Variants in PADI1 observed in about 807,000 individuals in gnomAD.
PADI1 encodes protein-arginine deiminase type-1.
A neutral mutation model predicts 74.8 loss-of-function variants in PADI1; 65 were observed. The observed-to-expected ratio is 0.87, with a 90% confidence interval of 0.71 to 1.07. The LOEUF is 1.07. PADI1 is among the 50% of genes least tolerant of loss of function. The pLI is 0.00. For missense variants in PADI1, 943 were observed against 854.0 expected, an observed-to-expected ratio of 1.10 and a Z score of -1.30; for synonymous variants, 371 against 336.2, an observed-to-expected ratio of 1.10 and a Z score of -1.13.
intron 1 of PADI1, among the ~76,000 whole-genome samples, chr1:17,219,176 G>A (rs565340221): frequency 2.6e-4 from 39 of 152,238 alleles, no homozygotes; most frequent in African/African-American, 8.9e-4. Flanking sequence ...GCTCTGCCAG[G>A]CAGCTCAAGG....
At chr1:17,212,794 G>A (rs1383540624) in intron 1 of PADI1, among the ~76,000 whole-genome samples, 3 of 152,176 alleles carry the variant, frequency 2.0e-5, no homozygotes, top group Non-Finnish European at 4.4e-5. Flanking sequence ...GATGCTCCCT[G>A]GTCTCTTCTG....
chr1:17,240,617 A>C lies in PADI1; in HGVS notation c.1633-18A>C. Reference sequence around the variant, plus strand: ...TGCTCTTCCTAGTCCTGGGCTGCCCAGCTGCCTCCTTCCCCAGAAATGCAT... The same window carrying C: ...TGCTCTTCCTAGTCCTGGGCTGCCCCGCTGCCTCCTTCCCCAGAAATGCAT... On this transcript the variant is annotated intron_variant, in intron 14 of 15. Transcript: ENST00000375471. 6.2e-7 allele frequency: 1 copy of C among 1,613,204 alleles called. No individual in the cohort carries two copies. Among genetic ancestry groups the C allele is most frequent in the Non-Finnish European group, 8.5e-7 (1 of 1,179,358 alleles).
intron 1 of PADI1, among the ~76,000 whole-genome samples, chr1:17,220,986 G>A (rs1157249822): frequency 6.6e-6 from 1 of 152,216 alleles, no homozygotes; most frequent in African/African-American, 2.4e-5. Flanking sequence ...TGGTGTGAGG[G>A]GTAGGGTGGG....
At chr1:17,206,454 C>G (rs528596988) in intron 1 of PADI1, among the ~76,000 whole-genome samples, 1 of 152,110 alleles carries the variant, frequency 6.6e-6, no homozygotes. Flanking sequence ...CTGCTGGGAG[C>G]CCCGCTGTGG....
intron 6 of PADI1, among the ~76,000 whole-genome samples, chr1:17,227,771 C>T (rs1456642969): frequency 6.6e-6 from 1 of 152,162 alleles, no homozygotes; most frequent in Admixed American, 6.5e-5. Context: ...AGGCAGAGGA[C>T]TCAGCTTAAA....
intron 6 of PADI1, among the ~76,000 whole-genome samples, chr1:17,227,489 C>T (rs929857529): frequency 6.6e-6 from 1 of 151,620 alleles, no homozygotes; most frequent in Non-Finnish European, 1.5e-5. Flanking sequence ...CGTGTTCATG[C>T]CACTGCACTC....
chr1:17,207,189 G>A (rs10888008), intron 1 of PADI1, among the ~76,000 whole-genome samples: 47,983 of 151,870 alleles, frequency 0.32, 8,310 homozygotes, highest in African/African-American at 0.45. Context: ...ACGGGGAGCC[G>A]GGAGACCTGG....
chr1:17,222,557 A>T, intron 2 of PADI1, 87 bp downstream of exon 2: 1 of 1,029,388 alleles, frequency 9.7e-7, no homozygotes, highest in Non-Finnish European at 1.5e-6. Context: ...TCCCATTCCA[A>T]AGCTCCCCAC....
intron 1 of PADI1, among the ~76,000 whole-genome samples, chr1:17,215,807 A>G (rs1304831410): frequency 1.3e-5 from 2 of 152,226 alleles, no homozygotes; most frequent in East Asian, 1.9e-4. Flanking sequence ...AGCGATGCAG[A>G]CAGCATAAAA....
chr1:17,220,500 T>C (rs1420551166), intron 1 of PADI1, among the ~76,000 whole-genome samples: 1 of 152,120 alleles, frequency 6.6e-6, no homozygotes, highest in Non-Finnish European at 1.5e-5. Context: ...CAAGTGTTTA[T>C]TGAGCACCTA....
In PADI1 at chr1:17,228,793, C is replaced by T. The variant is rs200633769; in HGVS notation, c.821C>T (p.Pro274Leu). The T allele has an allele frequency of 6.2e-6, 10 of 1,608,316 alleles. No homozygotes were observed. The highest frequency in any genetic ancestry group is 5.4e-5 in the African/African-American group (4 of 73,724). Residue 274 changes from proline to leucine, a missense_variant, in exon 7 of 16, where the codon CCG (proline) becomes CTG (leucine). Coordinates refer to ENST00000375471, the MANE Select transcript of PADI1 (RefSeq NM_013358.3). ...TCCCTCAGTGTCAGCCTGGTGGACC[C>T]GGGGGTGTGTACAGCACTGGGGGGT... Reference protein sequence around the residue: ...LVSLSVSLVDPGTLPEVTLFT... With the variant: ...LVSLSVSLVDLGTLPEVTLFT...
At chr1:17,207,243 A>C (rs987451076) in intron 1 of PADI1, among the ~76,000 whole-genome samples, 2 of 152,090 alleles carry the variant, frequency 1.3e-5, no homozygotes, top group Admixed American at 1.3e-4. Flanking sequence ...GGGCCAAGTC[A>C]CTTGTCCTCT....
rs2071699591 is a variant in PADI1, at chr1:17,206,863, T to G, written c.92+1554T>G. On this transcript the variant is annotated intron_variant, in intron 1 of 15. Coordinates refer to ENST00000375471, the MANE Select transcript of PADI1 (RefSeq NM_013358.3). The stretch of plus-strand genomic sequence containing the variant: ...CACTCGGCTAATTTTGTATTTTTAG[T>G]AGAGACAAGGTTTTGCCATGTTGGT... Among the ~76,000 whole-genome samples, 2 of 151,980 alleles carry G rather than the reference T, an allele frequency of 1.3e-5. 1 individual carries two copies. Among genetic ancestry groups the G allele is most frequent in the South Asian group, 4.2e-4 (2 of 4,810 alleles).
Position 17,228,224 on chromosome 1 carries a change from C to T in PADI1, c.653-401C>T, listed in dbSNP as rs143906328. Among the ~76,000 whole-genome samples, 530 of 152,276 alleles carry T rather than the reference C, an allele frequency of 3.5e-3. 1 individual carries two copies. The highest frequency in any genetic ancestry group is 5.5e-3 in the Non-Finnish European group (372 of 68,022). On this transcript the variant is annotated intron_variant, in intron 6 of 15. Coordinates refer to ENST00000375471, the MANE Select transcript of PADI1 (RefSeq NM_013358.3). The stretch of plus-strand genomic sequence containing the variant: ...CCAGGCTGGTCTCAAGTGATCCTCC[C>T]GCCTTGGCCTCCCAAAGTGCTGGGA...
In PADI1 at chr1:17,238,612, C is replaced by G. The variant is rs780219905; in HGVS notation, c.1459-4C>G. On this transcript the variant is annotated splice_region_variant and splice_polypyrimidine_tract_variant and intron_variant, in intron 12 of 15. Coordinates refer to ENST00000375471, the MANE Select transcript of PADI1 (RefSeq NM_013358.3). ...CTGAGCCATTCTCCCTCCCTCCGTGCCAGGGCTTCCGGCTGCTCCTGGCTA... is the reference window on the plus strand; with the variant it reads ...CTGAGCCATTCTCCCTCCCTCCGTGGCAGGGCTTCCGGCTGCTCCTGGCTA... The G allele has an allele frequency of 6.1e-6, 9 of 1,473,666 alleles. No individual in the cohort carries two copies. In the South Asian group the frequency reaches 1.2e-4, roughly 20 times the overall value. 91.3% of individuals were successfully genotyped at this position (1,473,666 alleles called of 1,614,324 possible).
intron 13 of PADI1, 43 bp downstream of exon 13, chr1:17,238,752 T>TTCA: frequency 9.7e-7 from 1 of 1,028,048 alleles, no homozygotes; most frequent in Non-Finnish European, 1.4e-6. Flanking sequence ...ACCCTGCCCT[T>TTCA]TCATCACCAT....
At chr1:17,211,928 C>T (rs1022057334) in intron 1 of PADI1, among the ~76,000 whole-genome samples, 3 of 152,218 alleles carry the variant, frequency 2.0e-5, no homozygotes, top group Non-Finnish European at 4.4e-5. Context: ...ACTCTGTGGA[C>T]CCCACAAGGG....
chr1:17,229,951 G>A, intron 8 of PADI1, 134 bp from the exon 9 acceptor site: 1 of 761,016 alleles, frequency 1.3e-6, no homozygotes, highest in Non-Finnish European at 2.1e-6. Flanking sequence ...ATGCGCCTAT[G>A]AGCCTCTCAA....
At chr1:17,231,269 G>A (rs1371944010) in intron 10 of PADI1, among the ~76,000 whole-genome samples, 1 of 152,130 alleles carries the variant, frequency 6.6e-6, no homozygotes, top group Admixed American at 6.5e-5. Context: ...TATGGATGAG[G>A]AAATCAAGGC....
Sources: gnomAD v4.1 joint callset for allele counts (sites outside exome capture counted in the v4.1 genomes callset) on GRCh38, gnomAD v4.1.1 for gene constraint, MANE v1.5 for transcripts, NCBI Gene and HGNC (gene_info 2026-07-23, HGNC 2026-07-21) for gene names.